HIBCH: variants seen among roughly 807,000 people sequenced by gnomAD.
HIBCH encodes 3-hydroxyisobutyryl-CoA hydrolase, also known as 3-hydroxyisobutyryl-CoA hydrolase, mitochondrial.
Under a neutral mutation model 58.2 loss-of-function variants are expected in HIBCH, and 50 were observed. The observed-to-expected ratio is 0.86, with a 90% confidence interval of 0.68 to 1.09. HIBCH has a LOEUF of 1.09. Among genes scored for constraint, HIBCH ranks in the 50% least tolerant of loss-of-function variants. The pLI is 0.00. For missense variants in HIBCH, 450 were observed against 449.7 expected (o/e 1.00, Z -0.01); for synonymous variants, 151 against 146.9 (o/e 1.03, Z -0.20).
At chr2:190,231,122 T>C (rs1686083158) in intron 11 of HIBCH, among the ~76,000 whole-genome samples, 1 of 152,314 alleles carries the variant, frequency 6.6e-6, no homozygotes, top group South Asian at 2.1e-4. Context: ...AAGAAAGAAG[T>C]CTTTTCAACA....
intron 6 of HIBCH, among the ~76,000 whole-genome samples, chr2:190,270,461 C>G (rs544199102): frequency 6.6e-6 from 1 of 152,062 alleles, no homozygotes; most frequent in Admixed American, 6.6e-5. Flanking sequence ...ACAAAAAACT[C>G]AGAAAGATAC....
At chr2:190,246,471 T>TA (rs1425352666) in intron 9 of HIBCH, among the ~76,000 whole-genome samples, 1 of 152,230 alleles carries the variant, frequency 6.6e-6, no homozygotes, top group Non-Finnish European at 1.5e-5. Flanking sequence ...TAACCACTAT[T>TA]ACATTTGACA....
At chr2:190,195,142 G>A (rs1023140054) in intron 1 of HIBCH, among the ~76,000 whole-genome samples, 5 of 152,116 alleles carry the variant, frequency 3.3e-5, no homozygotes, top group Non-Finnish European at 4.4e-5. Flanking sequence ...GATTGTAGGC[G>A]TGACTATGCC....
chr2:190,292,554 TC>T (rs1239616481), intron 4 of HIBCH, among the ~76,000 whole-genome samples: 1 of 152,194 alleles, frequency 6.6e-6, no homozygotes, highest in Non-Finnish European at 1.5e-5. Flanking sequence ...CAGGCAATCC[TC>T]CCACCTCGGC....
Position 190,215,001 on chromosome 2 carries a change from G to A in HIBCH, c.892-1926C>T, listed in dbSNP as rs1335227518. On this transcript the variant is annotated intron_variant, in intron 11 of 13. Coordinates refer to ENST00000359678, the MANE Select transcript of HIBCH (RefSeq NM_014362.4). This position sits in a 1 kb window ranked among gnomAD's most constrained non-coding sequence, Gnocchi z 4.4. Reference sequence around the variant, plus strand: ...TCTTAGAGAAGTCCCTATGGGACAGGGAGGAGTTGGGTTTGTGAATGCACC... The same window carrying A: ...TCTTAGAGAAGTCCCTATGGGACAGAGAGGAGTTGGGTTTGTGAATGCACC... 6.6e-6 allele frequency: 1 copy of A among 152,232 alleles called. No homozygotes were observed. Among genetic ancestry groups the A allele is most frequent in the Non-Finnish European group, 1.5e-5 (1 of 68,052 alleles). The allele number at this position is 152,232 out of a possible 1,614,324, so 9.4% of individuals were successfully genotyped here.
intron 6 of HIBCH, among the ~76,000 whole-genome samples, chr2:190,278,049 G>T (rs1019376009): frequency 2.6e-5 from 4 of 152,066 alleles, no homozygotes; most frequent in African/African-American, 9.7e-5. Flanking sequence ...TGAAAATAAA[G>T]GCTTTCTGAA....
At chr2:190,242,936 A>G (rs909688285) in intron 11 of HIBCH, among the ~76,000 whole-genome samples, 1 of 152,178 alleles carries the variant, frequency 6.6e-6, no homozygotes, top group African/African-American at 2.4e-5. Context: ...TACAAAGGGT[A>G]GTTGCATTAT....
In HIBCH at chr2:190,319,781, G is replaced by A. The variant is rs965056690; in HGVS notation, c.-31C>T. 2.5e-6 allele frequency: 4 copies of A among 1,605,230 alleles called. No homozygotes were observed. Among genetic ancestry groups the A allele is most frequent in the East Asian group, 2.2e-5 (1 of 44,728 alleles). Reference sequence around the variant, plus strand: ...AACACTCCGAAGCTAAAGCAGCAGAGCGAGAATCTCCCGGACCGTTCCAGC... The same window carrying A: ...AACACTCCGAAGCTAAAGCAGCAGAACGAGAATCTCCCGGACCGTTCCAGC... On this transcript the variant is annotated 5_prime_UTR_variant, in exon 1 of 14. Transcript: ENST00000359678.
intron 5 of HIBCH, among the ~76,000 whole-genome samples, chr2:190,288,156 CT>C (rs369704911): frequency 0.022 from 3,158 of 141,650 alleles, 80 homozygotes; most frequent in East Asian, 0.13. Flanking sequence ...AAGACCCTAT[CT>C]TTTTTTTTTT....
chr2:190,270,478 G>A (rs918987268), intron 6 of HIBCH, among the ~76,000 whole-genome samples: 1 of 152,022 alleles, frequency 6.6e-6, no homozygotes, highest in Non-Finnish European at 1.5e-5. Flanking sequence ...ATACACAATG[G>A]GGTGATGTGA....
At chr2:190,248,764 G>A (rs951935286) in intron 9 of HIBCH, among the ~76,000 whole-genome samples, 16 of 151,958 alleles carry the variant, frequency 1.1e-4, no homozygotes, top group Non-Finnish European at 1.6e-4. Flanking sequence ...GGGAGGCTGA[G>A]GCACGAGAAT....
chr2:190,306,749 T>C lies in HIBCH; in HGVS notation c.78+4005A>G, dbSNP rs1174815046. On this transcript the variant is annotated intron_variant, in intron 2 of 13. Coordinates refer to ENST00000359678, the MANE Select transcript of HIBCH (RefSeq NM_014362.4). This position sits in a 1 kb window ranked among gnomAD's most constrained non-coding sequence, Gnocchi z 4.6. The stretch of plus-strand genomic sequence containing the variant: ...ACTGAATGCTTGCATCCTTCCAAAA[T>C]TTGTATGTTGAAATCCTAACCTCCA... Among the ~76,000 whole-genome samples the C allele has an allele frequency of 6.6e-6, 1 of 152,178 alleles. No homozygotes were observed. Among genetic ancestry groups the C allele is most frequent in the African/African-American group, 2.4e-5 (1 of 41,430 alleles).
chr2:190,264,449 T>A (rs1018109157), intron 6 of HIBCH, among the ~76,000 whole-genome samples: 4 of 152,176 alleles, frequency 2.6e-5, no homozygotes, highest in Non-Finnish European at 5.9e-5. Context: ...CTATGCACTC[T>A]GTCAGTCACT....
chr2:190,226,395 A>G (rs984412798), intron 11 of HIBCH, among the ~76,000 whole-genome samples: 4 of 152,212 alleles, frequency 2.6e-5, no homozygotes, highest in Non-Finnish European at 5.9e-5. Context: ...CAGGAGTTCG[A>G]GACCAGCCTG....
At chr2:190,247,094 C>T (rs139515629) in intron 9 of HIBCH, among the ~76,000 whole-genome samples, 5 of 151,878 alleles carry the variant, frequency 3.3e-5, no homozygotes, top group South Asian at 2.1e-4. Flanking sequence ...ACACAAGATT[C>T]GCACTTATCT....
chr2:190,252,136 C>T, intron 8 of HIBCH, 26 bp downstream of exon 8: 1 of 1,611,288 alleles, frequency 6.2e-7, no homozygotes, highest in Non-Finnish European at 8.5e-7. Flanking sequence ...TCCAACAATA[C>T]AAAATGCAAA....
chr2:190,238,666 T>C (rs1686356158), intron 11 of HIBCH, among the ~76,000 whole-genome samples: 1 of 152,220 alleles, frequency 6.6e-6, no homozygotes, highest in Admixed American at 6.5e-5. Context: ...GGTTTCACCA[T>C]ATTAGTCAGG....
chr2:190,272,124 T>C (rs1181750648), intron 6 of HIBCH, among the ~76,000 whole-genome samples: 1 of 152,174 alleles, frequency 6.6e-6, no homozygotes, highest in Non-Finnish European at 1.5e-5. Flanking sequence ...ATCACTACAC[T>C]ATTCGCACAT....
At chr2:190,289,483 A>C (rs780757334) in intron 5 of HIBCH, among the ~76,000 whole-genome samples, 1 of 152,222 alleles carries the variant, frequency 6.6e-6, no homozygotes, top group Non-Finnish European at 1.5e-5. Context: ...AAAATTAATG[A>C]CAATGGTTGT....
Sources: gnomAD v4.1 joint callset for allele counts (sites outside exome capture counted in the v4.1 genomes callset) on GRCh38, gnomAD v4.1.1 for gene constraint, Gnocchi (gnomAD v3.1) non-coding constraint, MANE v1.5 for transcripts, NCBI Gene and HGNC (gene_info 2026-07-23, HGNC 2026-07-21) for gene names.